The following DENND4C variants were observed in gnomAD, a reference collection of about 807,000 sequenced individuals.
DENND4C encodes the protein DENN domain containing 4C, also known as DENN domain-containing protein 4C.
Under a neutral mutation model 203.0 loss-of-function variants are expected in DENND4C, and 108 were observed. The observed-to-expected ratio is 0.53, with a 90% confidence interval of 0.46 to 0.62. The LOEUF (loss-of-function observed/expected upper bound fraction) is 0.62, where lower values mean the gene tolerates loss of function less well. Among genes scored for constraint, DENND4C ranks in the 20% least tolerant of loss-of-function variants. DENND4C has a pLI of 0.00. For synonymous variants in DENND4C, 871 were observed against 792.4 expected, an observed-to-expected ratio of 1.10 and a Z score of -1.67; for missense variants, 2,481 against 2,301.2, an observed-to-expected ratio of 1.08 and a Z score of -1.60.
rs1164318220 is a variant in DENND4C at position 19,296,074 on chromosome 9, A to T, written c.868A>T (p.Met290Leu). 1 of 1,614,134 alleles carries T rather than the reference A, an allele frequency of 6.2e-7. No individual in the cohort carries two copies. The highest frequency in any genetic ancestry group is 8.5e-7 in the Non-Finnish European group (1 of 1,180,022). The change falls in exon 6 of 33, where the codon ATG becomes TTG. Residue 290 changes from methionine (M) to leucine (L), a missense_variant. Physicochemically the swap from Met to Leu is conservative, Grantham distance 15. Transcript: ENST00000434457. Reference protein sequence around the residue: ...SRELLSEKQLMHLGLLTPVER... With the variant: ...SRELLSEKQLLHLGLLTPVER... ...GGAACTTCTATCAGAGAAACAGCTT[A>T]TGCACCTGGGCTTGTTGACGCCTGT... is the stretch of plus-strand genomic sequence containing the variant.
rs61396893 is a variant in DENND4C, at chr9:19,285,576, C to CT, written c.306-1178dup. On this transcript the variant is annotated intron_variant, in intron 2 of 32. Coordinates refer to ENST00000434457, the MANE Select transcript of DENND4C (RefSeq NM_001330640.2). ...GAATCACTGTATGTGGTCTTTGTGA[C>CT]TTTTTTTTTTTTTTTCACTTAACAT... Among the ~76,000 whole-genome samples, 215 of 135,808 alleles carry CT rather than the reference C, an allele frequency of 1.6e-3. 3 individuals carry two copies. The highest frequency in any genetic ancestry group is 0.014 in the South Asian group (59 of 4,320). The allele number at this position is 135,808 out of a possible 152,430, so 89.1% of individuals were successfully genotyped here. A position where few individuals can be genotyped will look rare whatever the true frequency, so the allele number is the denominator to read the frequency against.
At chr9:19,367,441 T>C (rs1370438563) in intron 30 of DENND4C, among the ~76,000 whole-genome samples, 3 of 152,200 alleles carry the variant, frequency 2.0e-5, no homozygotes, top group African/African-American at 7.2e-5. Flanking sequence ...TGTCTATCAG[T>C]CTATGAATTG....
chr9:19,321,377 C>T (rs1190982280), intron 12 of DENND4C, among the ~76,000 whole-genome samples: 1 of 152,004 alleles, frequency 6.6e-6, no homozygotes, highest in African/African-American at 2.4e-5. Flanking sequence ...ATCAAGAGCA[C>T]CTTTGAGGTT....
At chr9:19,290,682 T>C (rs1836120075) in intron 4 of DENND4C, 22 bp from the exon 5 acceptor site, 3 of 1,360,986 alleles carry the variant, frequency 2.2e-6, no homozygotes, top group Non-Finnish European at 2.9e-6. Flanking sequence ...AAAAAATTTA[T>C]TGTTGTCTCA....
At chr9:19,324,576 A>G in intron 13 of DENND4C, 69 bp downstream of exon 13, 2 of 1,486,030 alleles carry the variant, frequency 1.3e-6, no homozygotes, top group Non-Finnish European at 1.8e-6. Context: ...TATCATTGTT[A>G]TTGTTAGTCT....
At chr9:19,355,150 TC>T (rs1446213624) in intron 26 of DENND4C, among the ~76,000 whole-genome samples, 2 of 152,084 alleles carry the variant, frequency 1.3e-5, no homozygotes, top group East Asian at 3.9e-4. Context: ...GACCTTGTGA[TC>T]CGCCCACCTT....
At chr9:19,291,009 C>A (rs574274623) in intron 5 of DENND4C, 133 bp downstream of exon 5, 6 of 850,622 alleles carry the variant, frequency 7.1e-6, no homozygotes, top group Non-Finnish European at 8.8e-6. Context: ...CACTGTCATC[C>A]CCAAGGTGAG....
intron 1 of DENND4C, among the ~76,000 whole-genome samples, chr9:19,247,317 G>T (rs1825535766): frequency 6.6e-6 from 1 of 151,988 alleles, no homozygotes; most frequent in African/African-American, 2.4e-5. Context: ...TAATGCTATG[G>T]CTGTAAGCAT....
intron 1 of DENND4C, among the ~76,000 whole-genome samples, chr9:19,270,197 C>G (rs1298949327): frequency 1.3e-5 from 2 of 152,176 alleles, no homozygotes; most frequent in African/African-American, 4.8e-5. Flanking sequence ...ACCACTGGGA[C>G]TGTGCTGGGT....
chr9:19,282,451 G>C (rs1834253346), intron 2 of DENND4C, among the ~76,000 whole-genome samples: 1 of 150,320 alleles, frequency 6.7e-6, no homozygotes, highest in African/African-American at 2.4e-5. Context: ...ATGGGGTTTC[G>C]CCTTGTTGCC....
At position 19,239,154 on chromosome 9, in the gene DENND4C, C is replaced by T. The variant is rs1289888462; in HGVS notation, c.-18+8321C>T. Among the ~76,000 whole-genome samples, 5 of 152,054 alleles carry T rather than the reference C, an allele frequency of 3.3e-5. No individual in the cohort carries two copies. The South Asian group carries it at 6.2e-4, about 19-fold the overall frequency. ...CTCTACTTCCCCTTGATTTAGTCTG[C>T]TTTTTTTCCCCGAGCGTCTTGAGGT... On this transcript the variant is annotated intron_variant, in intron 1 of 32. Transcript: ENST00000434457.
At chr9:19,367,557 G>C (rs943357274) in intron 30 of DENND4C, among the ~76,000 whole-genome samples, 18 of 152,214 alleles carry the variant, frequency 1.2e-4, no homozygotes, top group Non-Finnish European at 2.5e-4. Context: ...CCAACATGGG[G>C]AAACCCCGTC....
intron 1 of DENND4C, among the ~76,000 whole-genome samples, chr9:19,267,643 C>T (rs1830782636): frequency 6.6e-6 from 1 of 152,028 alleles, no homozygotes; most frequent in South Asian, 2.1e-4. Context: ...CTCAGGGGAT[C>T]TTCCCACCTC....
intron 7 of DENND4C, among the ~76,000 whole-genome samples, chr9:19,298,363 G>C (rs111941483): frequency 6.6e-6 from 1 of 152,028 alleles, no homozygotes; most frequent in Admixed American, 6.6e-5. Context: ...GCCCATGCAT[G>C]ACCTTTATGT....
rs942893248 is a variant in DENND4C at position 19,332,301 on chromosome 9, T to TA, written c.2460+121dup. 23 of 747,564 alleles carry TA rather than the reference T, an allele frequency of 3.1e-5. No individual in the cohort carries two copies. In the African/African-American group the frequency reaches 3.7e-4, roughly 12 times the overall value. 46.3% of individuals were successfully genotyped at this position (747,564 alleles called of 1,614,324 possible). On this transcript the variant is annotated intron_variant, in intron 17 of 32. Coordinates refer to ENST00000434457, the MANE Select transcript of DENND4C (RefSeq NM_001330640.2). The stretch of plus-strand genomic sequence containing the variant: ...AAGCATTTTCATTAAGCAGGAAAGG[T>TA]AAAACTATTACTGTTTCATGGAGCT...
At chr9:19,284,526 G>A (rs1352142782) in intron 2 of DENND4C, among the ~76,000 whole-genome samples, 1 of 151,974 alleles carries the variant, frequency 6.6e-6, no homozygotes, top group Non-Finnish European at 1.5e-5. Context: ...TTTGTTAAAT[G>A]TTACTAAATT....
intron 2 of DENND4C, among the ~76,000 whole-genome samples, chr9:19,283,165 TTTTTTTTTTAAC>T (rs1477619532): frequency 2.5e-5 from 1 of 39,434 alleles, no homozygotes; most frequent in Non-Finnish European, 7.9e-5. Context: ...GTGCCTGGAT[TTTTTTTTTTAAC>T]TGTTTAAACT....
At chr9:19,284,910 T>C (rs10811164) in intron 2 of DENND4C, among the ~76,000 whole-genome samples, 73,949 of 151,822 alleles carry the variant, frequency 0.49, 18,766 homozygotes, top group South Asian at 0.65. Context: ...TTTATTTTTC[T>C]ACTCCCATAT....
chr9:19,361,990 AC>A (rs1351277304), intron 30 of DENND4C, 27 bp downstream of exon 30: 1 of 1,435,064 alleles, frequency 7.0e-7, no homozygotes, highest in African/African-American at 1.4e-5. Flanking sequence ...TAAAGACATA[AC>A]AGCCAGGTGC....
Sources: gnomAD v4.1 joint callset for allele counts (sites outside exome capture counted in the v4.1 genomes callset) on GRCh38, gnomAD v4.1.1 for gene constraint, MANE v1.5 for transcripts, NCBI Gene and HGNC (gene_info 2026-07-23, HGNC 2026-07-21) for gene names.